The following DOK5 variants were observed in gnomAD, a reference collection of about 807,000 sequenced individuals.
DOK5 encodes downstream of tyrosine kinase 5.
In DOK5, 27 loss-of-function variants were observed where a neutral mutation model predicts 43.3. The observed-to-expected ratio is 0.62, with a 90% confidence interval of 0.46 to 0.86. The LOEUF is 0.86. Ranked by LOEUF, DOK5 falls within the 40% of genes least tolerant of loss-of-function variation. DOK5 has a pLI of 0.00. For missense variants in DOK5, 373 were observed against 392.9 expected (o/e 0.95, Z 0.43); for synonymous variants, 146 against 140.1 (o/e 1.04, Z -0.30).
chr20:54,648,553 A>G (rs112915305), intron 7 of DOK5, among the ~76,000 whole-genome samples: 2 of 152,124 alleles, frequency 1.3e-5, no homozygotes, highest in South Asian at 2.1e-4. Context: ...GGCATTCTCC[A>G]TAGAGAGGTC....
intron 2 of DOK5, among the ~76,000 whole-genome samples, chr20:54,556,474 C>T (rs1984711215): frequency 6.6e-6 from 1 of 152,318 alleles, no homozygotes; most frequent in Admixed American, 6.5e-5. Context: ...CCAAACTCTC[C>T]ACTTTTATAA....
At chr20:54,626,374 T>C (rs1398907535) in intron 6 of DOK5, among the ~76,000 whole-genome samples, 2 of 152,216 alleles carry the variant, frequency 1.3e-5, no homozygotes, top group African/African-American at 2.4e-5. Flanking sequence ...GGCTCTTTGC[T>C]GAGAGTCTGC....
At chr20:54,649,537 G>A (rs1307859322) in intron 7 of DOK5, among the ~76,000 whole-genome samples, 1 of 152,094 alleles carries the variant, frequency 6.6e-6, no homozygotes, top group Non-Finnish European at 1.5e-5. Context: ...TACTCACCAA[G>A]GCTGCGGAAG....
chr20:54,636,210 G>A (rs1308556821), intron 6 of DOK5, among the ~76,000 whole-genome samples: 4 of 152,218 alleles, frequency 2.6e-5, no homozygotes, highest in Non-Finnish European at 5.9e-5. Context: ...TCCTGGGCAT[G>A]GGCCAAGCTA....
At chr20:54,620,482 G>A (rs1986944463) in intron 6 of DOK5, among the ~76,000 whole-genome samples, 1 of 152,124 alleles carries the variant, frequency 6.6e-6, no homozygotes, top group Non-Finnish European at 1.5e-5. Flanking sequence ...CAAGTGATGT[G>A]CCAGCCTCTG....
In DOK5 at chr20:54,475,601, C is replaced by T. The variant is rs914271964; in HGVS notation, c.-346C>T. ...TCCTCCTCCTCCTCCTCCTTCTTCT[C>T]CTCCTTCTCGGCCGGGAGGAGGCAG... is the stretch of plus-strand genomic sequence containing the variant. On this transcript the variant is annotated 5_prime_UTR_variant, in exon 1 of 8. Coordinates refer to ENST00000262593, the MANE Select transcript of DOK5 (RefSeq NM_018431.5). This position sits in a 1 kb window ranked among gnomAD's most constrained non-coding sequence, Gnocchi z 4.2. The T allele has an allele frequency of 2.3e-4, 78 of 344,462 alleles. No individual in the cohort carries two copies. The highest frequency in any genetic ancestry group is 3.4e-4 in the Non-Finnish European group (66 of 194,406). 21.3% of individuals were successfully genotyped at this position (344,462 alleles called of 1,614,324 possible). A position where few individuals can be genotyped will look rare whatever the true frequency, so the allele number is the denominator to read the frequency against.
chr20:54,612,747 A>G (rs1378134736), intron 6 of DOK5, among the ~76,000 whole-genome samples: 1 of 152,206 alleles, frequency 6.6e-6, no homozygotes, highest in African/African-American at 2.4e-5. Flanking sequence ...TGTGACTAAT[A>G]TAACTAATTT....
At position 54,616,648 on chromosome 20, in the gene DOK5, G is replaced by A. The variant is rs1220418712; in HGVS notation, c.735+6125G>A. On this transcript the variant is annotated intron_variant, in intron 6 of 7. Coordinates refer to ENST00000262593, the MANE Select transcript of DOK5 (RefSeq NM_018431.5). Reference sequence around the variant, plus strand: ...CCATTTATTATTTCACAGTTTCTGTGGGTCAGGAGTTTTGGCATAGCATAG... The same window carrying A: ...CCATTTATTATTTCACAGTTTCTGTAGGTCAGGAGTTTTGGCATAGCATAG... 6.6e-5 allele frequency among the ~76,000 whole-genome samples: 10 copies of A among 152,160 alleles called. No individual in the cohort carries two copies. The East Asian group carries it at 1.9e-3, about 29-fold the overall frequency.
At chr20:54,534,685 G>T (rs564106135) in intron 1 of DOK5, among the ~76,000 whole-genome samples, 2 of 152,286 alleles carry the variant, frequency 1.3e-5, no homozygotes, top group East Asian at 3.9e-4. Context: ...CTGTGAGGAG[G>T]AGGATGATGA....
At chr20:54,622,049 C>A (rs1986988757) in intron 6 of DOK5, among the ~76,000 whole-genome samples, 1 of 151,936 alleles carries the variant, frequency 6.6e-6, no homozygotes, top group South Asian at 2.1e-4. Context: ...CAAAAATTAG[C>A]TGGGCGTGGT....
intron 2 of DOK5, among the ~76,000 whole-genome samples, chr20:54,572,938 C>T (rs1985337759): frequency 6.6e-6 from 1 of 152,154 alleles, no homozygotes. Flanking sequence ...CTTTAACAAG[C>T]ACCTACTGAG....
intron 7 of DOK5, among the ~76,000 whole-genome samples, chr20:54,647,267 G>A (rs1979475476): frequency 6.6e-6 from 1 of 152,112 alleles, no homozygotes; most frequent in South Asian, 2.1e-4. Context: ...CACTTTGGGA[G>A]GCCGAGTTGG....
At chr20:54,604,201 C>T (rs145264270) in intron 5 of DOK5, among the ~76,000 whole-genome samples, 1 of 152,156 alleles carries the variant, frequency 6.6e-6, no homozygotes, top group East Asian at 1.9e-4. Flanking sequence ...CCACCTCGGC[C>T]TCCCTAAGTA....
chr20:54,512,883 A>C (rs183935321), intron 1 of DOK5, among the ~76,000 whole-genome samples: 23 of 152,304 alleles, frequency 1.5e-4, no homozygotes, highest in Non-Finnish European at 2.8e-4. Flanking sequence ...TGGGGGCCTA[A>C]GCATGTTTCA....
intron 1 of DOK5, among the ~76,000 whole-genome samples, chr20:54,510,078 C>G (rs1038932339): frequency 2.0e-5 from 3 of 152,106 alleles, no homozygotes; most frequent in African/African-American, 7.2e-5. Context: ...TGTAACAAAC[C>G]TGCACATCCT....
At chr20:54,563,960 C>T (rs1474863155) in intron 2 of DOK5, among the ~76,000 whole-genome samples, 1 of 152,066 alleles carries the variant, frequency 6.6e-6, no homozygotes, top group Non-Finnish European at 1.5e-5. Flanking sequence ...CAGGAGGCAA[C>T]ATGTGGCACT....
At chr20:54,550,013 G>A (rs532492352) in intron 1 of DOK5, among the ~76,000 whole-genome samples, 2 of 152,214 alleles carry the variant, frequency 1.3e-5, no homozygotes, top group African/African-American at 2.4e-5. Flanking sequence ...ACATAAGCAA[G>A]ATGTTGATAG....
intron 1 of DOK5, among the ~76,000 whole-genome samples, chr20:54,519,756 A>G: frequency 6.6e-6 from 1 of 152,232 alleles, no homozygotes; most frequent in South Asian, 2.1e-4. Flanking sequence ...TGATGCATTC[A>G]ATAACTATGT....
chr20:54,633,360 G>C (rs1253958598), intron 6 of DOK5, among the ~76,000 whole-genome samples: 2 of 152,174 alleles, frequency 1.3e-5, no homozygotes, highest in African/African-American at 4.8e-5. Context: ...GATGAGAGCC[G>C]AGATTTCAGC....
Sources: allele counts gnomAD v4.1 joint callset (sites outside exome capture counted in the v4.1 genomes callset), GRCh38; gene constraint gnomAD v4.1.1; non-coding constraint Gnocchi (gnomAD v3.1); transcripts MANE v1.5; gene names NCBI Gene and HGNC (gene_info 2026-07-23, HGNC 2026-07-21).